The following DST variants were observed in gnomAD, a reference collection of about 807,000 sequenced individuals.
DST encodes dystonin, also known as bullous pemphigoid antigen.
DST carries 253 observed loss-of-function variants against 875.2 expected under a neutral mutation model. The ratio of observed to expected loss-of-function variants is 0.29; its 90% CI spans 0.26 to 0.32. DST has a LOEUF of 0.32. Ranked by LOEUF, DST falls within the 10% of genes least tolerant of loss-of-function variation. The pLI, the probability that DST is intolerant of heterozygous loss-of-function variation, is 1.00. For missense variants in DST, 8,287 were observed against 9,111.6 expected, an observed-to-expected ratio of 0.91 and a Z score of 3.68; for synonymous variants, 3,124 against 3,197.1, an observed-to-expected ratio of 0.98 and a Z score of 0.77.
chr6:56,508,863 T>A, intron 74 of DST, 108 bp from the exon 75 acceptor site: 1 of 897,186 alleles, frequency 1.1e-6, no homozygotes, highest in Non-Finnish European at 1.7e-6. Flanking sequence ...GCTAAGTATC[T>A]AAAACTGGAC....
chr6:56,796,548 T>C (rs1208778351), intron 4 of DST, among the ~76,000 whole-genome samples: 2 of 152,192 alleles, frequency 1.3e-5, no homozygotes, highest in Non-Finnish European at 2.9e-5. Flanking sequence ...TCTAGTGATA[T>C]GATTTAAATA....
rs138632003 is a variant in DST, at chr6:56,672,157, G to T, written c.1048-1350C>A. On this transcript the variant is annotated intron_variant, in intron 9 of 103. Transcript: ENST00000680361. The stretch of plus-strand genomic sequence containing the variant: ...CTTTATTCCTCCCAGCTGCCACAGA[G>T]CCAGAGGCACAGCCAATCCAGGGAC... Among the ~76,000 whole-genome samples, 610 of 152,304 alleles carry T rather than the reference G, an allele frequency of 4.0e-3. 6 individuals carry two copies. Among genetic ancestry groups the T allele is most frequent in the African/African-American group, 0.014 (585 of 41,588 alleles).
At chr6:56,517,710 C>A (rs2096621791) in intron 69 of DST, 90 bp from the exon 70 acceptor site, 2 of 1,428,112 alleles carry the variant, frequency 1.4e-6, no homozygotes, top group South Asian at 1.5e-5. Flanking sequence ...ATCCTTATTA[C>A]ACAAGTGGAA....
chr6:56,522,164 A>G (rs962830549), intron 69 of DST, among the ~76,000 whole-genome samples: 1 of 152,152 alleles, frequency 6.6e-6, no homozygotes, highest in Non-Finnish European at 1.5e-5. Flanking sequence ...CATCCTACTG[A>G]GCACATTGTT....
intron 4 of DST, among the ~76,000 whole-genome samples, chr6:56,783,769 G>A (rs1251954694): frequency 6.6e-6 from 1 of 152,152 alleles, no homozygotes; most frequent in Non-Finnish European, 1.5e-5. Context: ...CTGTCATTAT[G>A]ATGTTAGCTG....
At chr6:56,807,590 A>C (rs1224584984) in intron 4 of DST, among the ~76,000 whole-genome samples, 3 of 152,210 alleles carry the variant, frequency 2.0e-5, no homozygotes, top group African/African-American at 7.2e-5. Flanking sequence ...CTAGCAATAT[A>C]GGGTCAACAG....
intron 44 of DST, among the ~76,000 whole-genome samples, chr6:56,601,011 G>A (rs1216547556): frequency 6.6e-6 from 1 of 152,024 alleles, no homozygotes; most frequent in Non-Finnish European, 1.5e-5. Context: ...ACTTGCCCTA[G>A]TTCACAGAAT....
chr6:56,618,820 A>C, intron 36 of DST: 1 of 1,614,168 alleles, frequency 6.2e-7, no homozygotes, highest in Non-Finnish European at 8.5e-7. Flanking sequence ...CCTGAAACAG[A>C]ACCATCTTTC....
intron 2 of DST, among the ~76,000 whole-genome samples, chr6:56,925,947 A>G (rs1020963912): frequency 3.3e-5 from 5 of 152,226 alleles, no homozygotes; most frequent in Non-Finnish European, 5.9e-5. Context: ...CTATAAAGCT[A>G]CCAGAGGATT....
intron 35 of DST, among the ~76,000 whole-genome samples, chr6:56,624,948 T>C (rs528060640): frequency 3.2e-4 from 48 of 152,192 alleles, no homozygotes; most frequent in African/African-American, 1.1e-3. Flanking sequence ...GACTTTCTCT[T>C]TGGGATGACG....
At chr6:56,925,919 G>C (rs185171476) in intron 2 of DST, among the ~76,000 whole-genome samples, 2 of 152,000 alleles carry the variant, frequency 1.3e-5, no homozygotes, top group African/African-American at 4.8e-5. Flanking sequence ...AAAATTTCCC[G>C]ATCCAAAAGC....
intron 4 of DST, among the ~76,000 whole-genome samples, chr6:56,781,903 A>G (rs556273985): frequency 5.3e-5 from 8 of 152,272 alleles, no homozygotes; most frequent in Admixed American, 2.6e-4. Context: ...TCCCATCAAT[A>G]CCTAATTTAT....
intron 3 of DST, among the ~76,000 whole-genome samples, chr6:56,870,687 C>T (rs982984987): frequency 2.6e-5 from 4 of 151,834 alleles, no homozygotes; most frequent in African/African-American, 9.7e-5. Flanking sequence ...CACTTGAACC[C>T]GGGAGGTAGA....
chr6:56,792,991 C>A (rs1475975310), intron 4 of DST, among the ~76,000 whole-genome samples: 2 of 148,900 alleles, frequency 1.3e-5, no homozygotes, highest in Admixed American at 1.4e-4. Flanking sequence ...TCGCTTGAGC[C>A]CCTGAGGTCA....
rs199539222 is a variant in DST at position 56,770,999 on chromosome 6, C to CA, written c.626-35711dup. ...GGGCAACAAGAGCGAAACTCCATCTCAAAAAAAAAAAAAAAGAAAAATCCA... is the reference window on the plus strand; with the variant it reads ...GGGCAACAAGAGCGAAACTCCATCTCAAAAAAAAAAAAAAAAGAAAAATCCA... On this transcript the variant is annotated intron_variant, in intron 4 of 103. Transcript: ENST00000680361. Among the ~76,000 whole-genome samples the CA allele has an allele frequency of 5.0e-3, 386 of 77,160 alleles. 2 individuals are homozygous for CA. Among genetic ancestry groups the CA allele is most frequent in the Middle Eastern group, 0.02 (2 of 100 alleles). 50.6% of individuals were successfully genotyped at this position (77,160 alleles called of 152,430 possible).
At chr6:56,626,072 G>A (rs184646042) in intron 34 of DST, among the ~76,000 whole-genome samples, 24 of 151,798 alleles carry the variant, frequency 1.6e-4, no homozygotes, top group Admixed American at 5.9e-4. Context: ...CAATGTGTTC[G>A]TTGTTTTAAG....
intron 3 of DST, among the ~76,000 whole-genome samples, chr6:56,870,913 G>T (rs1199847014): frequency 6.6e-6 from 1 of 151,746 alleles, no homozygotes; most frequent in African/African-American, 2.4e-5. Context: ...TCAAAAGTAG[G>T]AGTTAGGAAT....
chr6:56,813,939 C>G (rs1338589015), intron 4 of DST, among the ~76,000 whole-genome samples: 1 of 151,992 alleles, frequency 6.6e-6, no homozygotes, highest in Admixed American at 6.5e-5. Context: ...ACAGATCTAT[C>G]TTATTTTAAG....
chr6:56,705,007 C>T (rs1251985986), intron 5 of DST, among the ~76,000 whole-genome samples: 2 of 152,178 alleles, frequency 1.3e-5, no homozygotes, highest in Admixed American at 1.3e-4. Context: ...ACAAAATCAA[C>T]ACTCAACCTA....
Sources: allele counts gnomAD v4.1 joint callset (sites outside exome capture counted in the v4.1 genomes callset), GRCh38; gene constraint gnomAD v4.1.1; transcripts MANE v1.5; gene names NCBI Gene and HGNC (gene_info 2026-07-23, HGNC 2026-07-21).